The following TYW1B variants were observed in gnomAD, a reference collection of about 807,000 sequenced individuals.
The protein encoded by TYW1B is S-adenosyl-L-methionine-dependent tRNA 4-demethylwyosine synthase TYW1B.
A neutral mutation model predicts 86.9 loss-of-function variants in TYW1B; 73 were observed. The observed-to-expected ratio is 0.84, with a 90% CI of 0.70 to 1.02. The LOEUF (loss-of-function observed/expected upper bound fraction) is 1.02. Ranked by LOEUF, TYW1B falls within the 50% of genes least tolerant of loss-of-function variation. The probability of loss-of-function intolerance (pLI) is 0.00; values close to 1 mark genes in which losing one functional copy is unlikely to be tolerated. For missense variants in TYW1B, 637 were observed against 827.4 expected, an observed-to-expected ratio of 0.77 and a Z score of 2.82; for synonymous variants, 248 against 292.8, an observed-to-expected ratio of 0.85 and a Z score of 1.56.
rs1208566343 is a variant in TYW1B, at chr7:72,816,337, T to C, written c.136-856A>G. 5.3e-5 allele frequency among the ~76,000 whole-genome samples: 8 copies of C among 150,866 alleles called. No individual in the cohort carries two copies. In the East Asian group the frequency reaches 1.2e-3, roughly 22 times the overall value. On this transcript the variant is annotated intron_variant, in intron 2 of 13. Coordinates refer to ENST00000620995, the MANE Select transcript of TYW1B (RefSeq NM_001145440.3). ...GTTGCAGTGAGCCAAGATTGCACCATTGCACTCCAGCCTGGGCAACAAAAC... is the reference window on the plus strand; with the variant it reads ...GTTGCAGTGAGCCAAGATTGCACCACTGCACTCCAGCCTGGGCAACAAAAC...
chr7:72,757,306 T>C (rs1253606061), intron 7 of TYW1B, among the ~76,000 whole-genome samples: 3 of 149,204 alleles, frequency 2.0e-5, no homozygotes, highest in African/African-American at 7.4e-5. Context: ...AGGCGGAGGT[T>C]GCAGTGAGCC....
At position 72,815,396 on chromosome 7, in the gene TYW1B, T is replaced by A. The variant is rs1788703575; in HGVS notation, c.221A>T (p.Asp74Val). The stretch of plus-strand genomic sequence containing the variant: ...ATTACCAACCTCTTCTATCAGATGA[T>A]CATCTGGATCATATTCTTTTAGATT... ...IINLKEYDPDDHLIEEVTSKN... is the reference protein window; with the variant it reads ...IINLKEYDPDVHLIEEVTSKN... The change falls in exon 3 of 14, where the codon GAT becomes GTT. Residue 74 changes from aspartate to valine, a missense_variant. Asp to Val is a radical substitution (Grantham distance 152, BLOSUM62 -3). Transcript: ENST00000620995. 1 of 1,601,762 alleles carries A rather than the reference T, an allele frequency of 6.2e-7. No homozygotes were observed. Among genetic ancestry groups the A allele is most frequent in the South Asian group, 1.1e-5 (1 of 87,128 alleles).
At chr7:72,795,518 C>CAG (rs148268055) in intron 6 of TYW1B, among the ~76,000 whole-genome samples, 12,429 of 152,168 alleles carry the variant, frequency 0.082, 893 homozygotes, top group East Asian at 0.33. Context: ...CGCGAAACTA[C>CAG]AGAGATGATG....
chr7:72,675,560 C>T (rs1461083741), intron 11 of TYW1B, among the ~76,000 whole-genome samples: 258 of 85,792 alleles, frequency 3.0e-3, no homozygotes, highest in African/African-American at 9.9e-3. Flanking sequence ...TATATATACA[C>T]ACATATATAT....
At chr7:72,597,612 C>T (rs1217378186) in intron 13 of TYW1B, among the ~76,000 whole-genome samples, 19 of 152,038 alleles carry the variant, frequency 1.2e-4, no homozygotes, top group African/African-American at 4.3e-4. Context: ...CTAGACACAC[C>T]TCTGGGCAAG....
intron 13 of TYW1B, among the ~76,000 whole-genome samples, chr7:72,578,207 G>A (rs1236672513): frequency 2.0e-5 from 3 of 149,578 alleles, no homozygotes; most frequent in African/African-American, 5.0e-5. Flanking sequence ...TCTGCCTCCC[G>A]GGTTCTTGCC....
intron 8 of TYW1B, among the ~76,000 whole-genome samples, chr7:72,730,253 C>T (rs1787078961): frequency 6.6e-6 from 1 of 151,172 alleles, no homozygotes; most frequent in African/African-American, 2.4e-5. Flanking sequence ...AAAATCAAGG[C>T]CTGTAACAGA....
chr7:72,615,861 G>A (rs1250735908), intron 13 of TYW1B, among the ~76,000 whole-genome samples: 2 of 152,048 alleles, frequency 1.3e-5, no homozygotes, highest in African/African-American at 4.8e-5. Context: ...AAGACTTAGT[G>A]AACTGGAAGA....
intron 2 of TYW1B, among the ~76,000 whole-genome samples, chr7:72,819,430 A>C (rs1788786904): frequency 1.3e-5 from 2 of 152,070 alleles, no homozygotes; most frequent in South Asian, 4.1e-4. Context: ...AGACTGGGTA[A>C]TCTATGTCTT....
chr7:72,741,808 A>T (rs1787309082), intron 8 of TYW1B, among the ~76,000 whole-genome samples: 1 of 152,192 alleles, frequency 6.6e-6, no homozygotes, highest in Non-Finnish European at 1.5e-5. Context: ...AGCAGAAACC[A>T]TGGAGGCCAG....
chr7:72,786,875 A>G (rs1486672435), intron 6 of TYW1B, among the ~76,000 whole-genome samples: 1 of 151,998 alleles, frequency 6.6e-6, no homozygotes, highest in Non-Finnish European at 1.5e-5. Context: ...GCGCCCTGCT[A>G]AACAAAGCTT....
intron 8 of TYW1B, among the ~76,000 whole-genome samples, chr7:72,739,045 C>T (rs2129571241): frequency 6.6e-6 from 1 of 152,140 alleles, no homozygotes; most frequent in South Asian, 2.1e-4. Flanking sequence ...ATGATTGCAC[C>T]ACTGTACTCT....
intron 9 of TYW1B, among the ~76,000 whole-genome samples, chr7:72,728,267 CA>C (rs1478629360): frequency 1.3e-5 from 2 of 152,182 alleles, no homozygotes; most frequent in Non-Finnish European, 2.9e-5. Context: ...GTAAATCTTT[CA>C]AGTTGAATGC....
At chr7:72,592,082 CA>C (rs782042309) in intron 13 of TYW1B, among the ~76,000 whole-genome samples, 15 of 150,076 alleles carry the variant, frequency 1.0e-4, no homozygotes, top group Non-Finnish European at 5.9e-5. Flanking sequence ...CTCGGCCTCC[CA>C]AAGTGCTGGG....
intron 7 of TYW1B, among the ~76,000 whole-genome samples, chr7:72,768,502 T>C (rs1319619025): frequency 2.0e-5 from 3 of 151,998 alleles, no homozygotes; most frequent in African/African-American, 7.2e-5. Flanking sequence ...AAATCAAACC[T>C]GTAGGCCAGG....
In TYW1B at chr7:72,806,937, G is replaced by C. The variant is rs1788506577; in HGVS notation, c.723+129C>G. On this transcript the variant is annotated intron_variant, in intron 5 of 13. Coordinates refer to ENST00000620995, the MANE Select transcript of TYW1B (RefSeq NM_001145440.3). ...CAAAGTGTGGGGATTACAAGTGCGA[G>C]CCACTGCACTCAGCCAGATCTTCCT... The C allele has an allele frequency of 4.6e-6, 6 of 1,311,682 alleles. No individual in the cohort carries two copies. In the Admixed American group the frequency reaches 1.1e-4, roughly 23 times the overall value. The allele number at this position is 1,311,682 out of a possible 1,614,324, so 81.3% of individuals were successfully genotyped here.
intron 7 of TYW1B, among the ~76,000 whole-genome samples, chr7:72,774,353 T>A (rs1787916448): frequency 6.7e-6 from 1 of 149,446 alleles, no homozygotes; most frequent in Non-Finnish European, 1.5e-5. Flanking sequence ...CTCATATTAT[T>A]TCAAAGTAAC....
chr7:72,662,422 T>TAGATAG (rs1813352098), intron 11 of TYW1B, among the ~76,000 whole-genome samples: 1,351 of 70,054 alleles, frequency 0.019, 10 homozygotes, highest in Middle Eastern at 0.025. Context: ...TTTTAATATA[T>TAGATAG]ATATATAGAT....
intron 12 of TYW1B, among the ~76,000 whole-genome samples, chr7:72,620,749 C>T (rs868984494): frequency 6.6e-6 from 1 of 152,204 alleles, no homozygotes; most frequent in African/African-American, 2.4e-5. Flanking sequence ...TCACCCTCAC[C>T]CTCACCCTCA....
Sources: gnomAD v4.1 joint callset for allele counts (sites outside exome capture counted in the v4.1 genomes callset) on GRCh38, gnomAD v4.1.1 for gene constraint, MANE v1.5 for transcripts, NCBI Gene and HGNC (gene_info 2026-07-23, HGNC 2026-07-21) for gene names.